SOX6: variants seen among roughly 807,000 people sequenced by gnomAD.
SOX6 encodes the protein transcription factor SOX-6.
SOX6 carries 11 observed loss-of-function variants against 97.8 expected under a neutral mutation model. The observed-to-expected ratio is 0.11, with a 90% CI of 0.07 to 0.19. The LOEUF (loss-of-function observed/expected upper bound fraction) is 0.19, where lower values mean the gene tolerates loss of function less well. SOX6 is among the 10% of genes least tolerant of loss of function. The pLI is 1.00. For synonymous variants in SOX6, 360 were observed against 371.4 expected, an observed-to-expected ratio of 0.97 and a Z score of 0.35; for missense variants, 810 against 1,039.5, an observed-to-expected ratio of 0.78 and a Z score of 3.04.
rs553148338 is a variant in SOX6, at chr11:16,531,662, T to TA, written n.610-55275dup. Reference sequence around the variant, plus strand: ...ATACTCTAAATATACCTTTCATAAGTATTTACACTTAAATAATATCCACTC... The same window carrying TA: ...ATACTCTAAATATACCTTTCATAAGTAATTTACACTTAAATAATATCCACTC... On this transcript the variant is annotated intron_variant and non_coding_transcript_variant, in intron 4 of 5. Transcript: ENST00000524520. Among the ~76,000 whole-genome samples the TA allele has an allele frequency of 1.1e-3, 169 of 152,072 alleles. 4 individuals are homozygous for TA. Among genetic ancestry groups the TA allele is most frequent in the Admixed American group, 0.011 (168 of 15,258 alleles).
At chr11:16,738,433 A>C in exon 1 of SOX6, 1 of 390,688 alleles carries the variant, frequency 2.6e-6, no homozygotes, top group East Asian at 5.1e-5. Context: ...ACCGCCATAC[A>C]CATCCGCGGG....
chr11:16,497,048 C>A (rs1366407979), intron 4 of SOX6, among the ~76,000 whole-genome samples: 1 of 152,146 alleles, frequency 6.6e-6, no homozygotes, highest in Non-Finnish European at 1.5e-5. Context: ...ACGCGAGTAG[C>A]CTAACTGGGA....
rs553658380 is a variant in SOX6, at chr11:16,202,607, T to A, written c.536-15652A>T. On this transcript the variant is annotated intron_variant, in intron 4 of 15. Coordinates refer to ENST00000683767, the MANE Select transcript of SOX6 (RefSeq NM_001367873.1). ...GGTTTAACCAATTTCTCACTAACAT[T>A]AAAAAATAATTCCCCAATCATATGA... is the stretch of plus-strand genomic sequence containing the variant. 8.5e-5 allele frequency among the ~76,000 whole-genome samples: 13 copies of A among 152,190 alleles called. No individual in the cohort carries two copies. The East Asian group carries it at 2.5e-3, about 29-fold the overall frequency.
intron 6 of SOX6, among the ~76,000 whole-genome samples, chr11:16,130,284 G>A (rs1454857913): frequency 1.3e-5 from 2 of 151,808 alleles, no homozygotes; most frequent in Non-Finnish European, 2.9e-5. Context: ...TACAACATGA[G>A]GACTATAGTT....
intron 3 of SOX6, among the ~76,000 whole-genome samples, chr11:16,690,293 G>A (rs1342147970): frequency 6.6e-6 from 1 of 152,058 alleles, no homozygotes; most frequent in Non-Finnish European, 1.5e-5. Flanking sequence ...CTCTCTCTGT[G>A]GCTTATGACA....
At chr11:16,460,807 C>A (rs1243671651) in intron 1 of SOX6, among the ~76,000 whole-genome samples, 1 of 152,056 alleles carries the variant, frequency 6.6e-6, no homozygotes, top group Non-Finnish European at 1.5e-5. Flanking sequence ...TATGTGAGAG[C>A]CACCTGATGA....
chr11:16,475,753 T>C (rs888049465), intron 1 of SOX6, among the ~76,000 whole-genome samples: 2 of 152,160 alleles, frequency 1.3e-5, no homozygotes, highest in African/African-American at 2.4e-5. Context: ...ATGGTGCCGA[T>C]AGACTTGCCC....
At chr11:16,157,339 T>C (rs957945857) in intron 6 of SOX6, among the ~76,000 whole-genome samples, 3 of 152,002 alleles carry the variant, frequency 2.0e-5, no homozygotes, top group Non-Finnish European at 4.4e-5. Flanking sequence ...CAGTCTTTAA[T>C]ATCCAATATC....
At chr11:16,490,331 A>C (rs1169649572) in intron 4 of SOX6, among the ~76,000 whole-genome samples, 1 of 151,996 alleles carries the variant, frequency 6.6e-6, no homozygotes, top group African/African-American at 2.4e-5. Flanking sequence ...CCAACTGGAG[A>C]TATCTAAATA....
chr11:16,002,967 C>G (rs983000169), intron 13 of SOX6, among the ~76,000 whole-genome samples: 1 of 152,170 alleles, frequency 6.6e-6, no homozygotes, highest in South Asian at 2.1e-4. Context: ...TAAAAACTAG[C>G]CTTCTGGCTG....
chr11:16,237,225 C>G (rs1171714676), intron 3 of SOX6, among the ~76,000 whole-genome samples: 1 of 151,930 alleles, frequency 6.6e-6, no homozygotes, highest in Non-Finnish European at 1.5e-5. Flanking sequence ...AGGCATACCA[C>G]AATTGGTGCT....
intron 6 of SOX6, among the ~76,000 whole-genome samples, chr11:16,132,446 A>G (rs1323948168): frequency 1.1e-5 from 1 of 92,194 alleles, no homozygotes. Flanking sequence ...AGAAAGAAAA[A>G]AGAAAGAAAG....
intron 4 of SOX6, among the ~76,000 whole-genome samples, chr11:16,517,466 T>C (rs761109658): frequency 6.6e-6 from 1 of 152,220 alleles, no homozygotes; most frequent in Non-Finnish European, 1.5e-5. Context: ...AGGAATGTGA[T>C]GATAGAATGA....
At chr11:16,132,473 AAAGAAAG>A (rs1849835911) in intron 6 of SOX6, among the ~76,000 whole-genome samples, 1 of 145,262 alleles carries the variant, frequency 6.9e-6, no homozygotes, top group African/African-American at 2.6e-5. Flanking sequence ...AGAAAGAAAG[AAAGAAAG>A]AAAGAAAGAA....
chr11:16,609,725 A>T (rs554019367), intron 4 of SOX6, among the ~76,000 whole-genome samples: 1 of 152,310 alleles, frequency 6.6e-6, no homozygotes, highest in East Asian at 1.9e-4. Context: ...AAAAAAAGAG[A>T]TAAGAGTGAA....
At chr11:16,156,693 A>T (rs1008661525) in intron 6 of SOX6, among the ~76,000 whole-genome samples, 2 of 151,892 alleles carry the variant, frequency 1.3e-5, no homozygotes, top group African/African-American at 4.8e-5. Context: ...TCCTGGCTAC[A>T]CCTAAAACAT....
At chr11:16,414,573 A>C (rs1451814080) in intron 1 of SOX6, among the ~76,000 whole-genome samples, 1 of 152,174 alleles carries the variant, frequency 6.6e-6, no homozygotes, top group Non-Finnish European at 1.5e-5. Flanking sequence ...TTTAAAAAAA[A>C]ACACAAAACT....
At chr11:16,677,398 T>C (rs1847891906) in intron 3 of SOX6, among the ~76,000 whole-genome samples, 1 of 152,228 alleles carries the variant, frequency 6.6e-6, no homozygotes, top group Non-Finnish European at 1.5e-5. Context: ...CTGGTTGCTG[T>C]AAGCTTTTGA....
At chr11:16,634,569 A>G (rs1241520105) in intron 3 of SOX6, among the ~76,000 whole-genome samples, 1 of 152,196 alleles carries the variant, frequency 6.6e-6, no homozygotes, top group Non-Finnish European at 1.5e-5. Flanking sequence ...GTAGCTTACT[A>G]GGTTTTATTT....
Sources: gnomAD v4.1 joint callset for allele counts (sites outside exome capture counted in the v4.1 genomes callset) on GRCh38, gnomAD v4.1.1 for gene constraint, MANE v1.5 for transcripts, NCBI Gene and HGNC (gene_info 2026-07-23, HGNC 2026-07-21) for gene names.